Variants in PCSK9 observed in about 807,000 individuals in gnomAD.
PCSK9 encodes the protein convertase subtilisin/kexin type 9 preproprotein.
A neutral mutation model predicts 62.1 loss-of-function variants in PCSK9; 57 were observed. The ratio of observed to expected loss-of-function variants is 0.92; its 90% CI spans 0.74 to 1.14. The LOEUF is 1.14. PCSK9 is among the 50% of genes most tolerant of loss of function. The pLI is 0.00. For missense variants in PCSK9, 870 were observed against 959.8 expected, an observed-to-expected ratio of 0.91 and a Z score of 1.24; for synonymous variants, 387 against 409.4, an observed-to-expected ratio of 0.95 and a Z score of 0.66.
In PCSK9 at chr1:55,055,515, A is replaced by G. The variant is rs138424279; in HGVS notation, c.800-478A>G. Among the ~76,000 whole-genome samples the G allele has an allele frequency of 4.8e-4, 73 of 152,292 alleles. 1 individual carries two copies. The East Asian group carries it at 0.013, about 26-fold the overall frequency. The stretch of plus-strand genomic sequence containing the variant: ...AGTTTGATTGCTGGTGTAATTGCTA[A>G]TATCTTCCAGTTTGTATTGGTCAAG... On this transcript the variant is annotated intron_variant, in intron 5 of 11. Coordinates refer to ENST00000302118, the MANE Select transcript of PCSK9 (RefSeq NM_174936.4).
At chr1:55,062,814 T>C (rs929289454) in intron 11 of PCSK9, among the ~76,000 whole-genome samples, 2 of 152,092 alleles carry the variant, frequency 1.3e-5, no homozygotes, top group African/African-American at 4.8e-5. Context: ...CAGAGGAGTG[T>C]GGTCTGGCCT....
chr1:55,039,856 A>G lies in PCSK9; in HGVS notation c.19A>G (p.Arg7Gly), dbSNP rs772165799. 1.3e-6 allele frequency: 2 copies of G among 1,564,896 alleles called. No individual in the cohort carries two copies. Among genetic ancestry groups the G allele is most frequent in the Non-Finnish European group, 8.7e-7 (1 of 1,155,628 alleles). Residue 7 changes from arginine (R) to glycine (G), a missense_variant, in exon 1 of 12, where the codon AGG becomes GGG. Physicochemically the swap from Arg to Gly is moderately radical, Grantham distance 125. Transcript: ENST00000302118. ...GGCCCTCATGGGCACCGTCAGCTCC[A>G]GGCGGTCCTGGTGGCCGCTGCCACT... The part of the protein sequence containing the change: MGTVSS[R>G]RSWWPLPLLL...
intron 9 of PCSK9, among the ~76,000 whole-genome samples, chr1:55,059,027 A>C (rs1438329619): frequency 2.0e-5 from 3 of 152,232 alleles, no homozygotes; most frequent in Admixed American, 6.5e-5. Context: ...GGAGCTGAGA[A>C]ATCTCAAACC....
At chr1:55,063,252 C>T (rs1644775952) in intron 11 of PCSK9, 117 bp from the exon 12 acceptor site, 8 of 1,118,136 alleles carry the variant, frequency 7.2e-6, no homozygotes, top group Non-Finnish European at 1.1e-5. Flanking sequence ...GGCTCTGAGC[C>T]AGCGAGGGCC....
intron 3 of PCSK9, 198 bp from the exon 4 acceptor site, chr1:55,052,080 T>C (rs1030532828): frequency 2.6e-6 from 2 of 776,274 alleles, no homozygotes; most frequent in African/African-American, 3.4e-5. Context: ...CTGCCCTCTC[T>C]AGGCCTCCCT....
rs937430375 is a variant in PCSK9, at chr1:55,039,712, C to T, written c.-126C>T. The T allele has an allele frequency of 6.8e-6, 8 of 1,168,950 alleles. No homozygotes were observed. Among genetic ancestry groups the T allele is most frequent in the Admixed American group, 2.4e-5 (1 of 42,186 alleles). 72.4% of individuals were successfully genotyped at this position (1,168,950 alleles called of 1,614,324 possible). On this transcript the variant is annotated 5_prime_UTR_variant, in exon 1 of 12. Transcript: ENST00000302118. The stretch of plus-strand genomic sequence containing the variant: ...CCAGGATTCCGCGCGCCCCTTCACG[C>T]GCCCTGCTCCTGAACTTCAGCTCCT...
intron 3 of PCSK9, among the ~76,000 whole-genome samples, chr1:55,048,694 G>A (rs899519752): frequency 3.3e-5 from 5 of 152,188 alleles, no homozygotes; most frequent in Non-Finnish European, 5.9e-5. Context: ...GCTGGCTGCC[G>A]CCCTCAAACC....
At chr1:55,052,856 T>C in intron 5 of PCSK9, 65 bp downstream of exon 5, 2 of 1,609,668 alleles carry the variant, frequency 1.2e-6, no homozygotes, top group South Asian at 2.2e-5. Context: ...TGGCTTGGGC[T>C]GGGCCCAGGG....
Position 55,046,584 on chromosome 1 carries a change from T to C in PCSK9, c.461T>C (p.Ile154Thr), listed in dbSNP as rs2100276236. The C allele has an allele frequency of 6.2e-7, 1 of 1,614,142 alleles. No individual in the cohort carries two copies. The highest frequency in any genetic ancestry group is 8.5e-7 in the Non-Finnish European group (1 of 1,180,028). ...GACTCCTCTGTCTTTGCCCAGAGCATCCCGTGGAACCTGGAGCGGATTACC... is the reference window on the plus strand; with the variant it reads ...GACTCCTCTGTCTTTGCCCAGAGCACCCCGTGGAACCTGGAGCGGATTACC... ...EEDSSVFAQSIPWNLERITPP... is the reference protein window; with the variant it reads ...EEDSSVFAQSTPWNLERITPP... Residue 154 changes from isoleucine to threonine, a missense_variant, in exon 3 of 12, where the codon ATC becomes ACC. Transcript: ENST00000302118.
At position 55,040,413 on chromosome 1, in the gene PCSK9, G is replaced by A. The variant is rs1644590662; in HGVS notation, c.207+369G>A. Among the ~76,000 whole-genome samples the A allele has an allele frequency of 6.6e-6, 1 of 152,208 alleles. No homozygotes were observed. The highest frequency in any genetic ancestry group is 2.4e-5 in the African/African-American group (1 of 41,458). ...CCTCGCCGCGGCACAGGTGGGTGAA[G>A]GAGTGAATGCCTGGAACGTACTGGG... On this transcript the variant is annotated intron_variant, in intron 1 of 11. Transcript: ENST00000302118. This position sits in a 1 kb window ranked among gnomAD's most constrained non-coding sequence, Gnocchi z 4.1.
rs966863594 is a variant in PCSK9, at chr1:55,043,990, CT to C, written c.357del (p.Pro120LeufsTer5). On this transcript the variant is annotated frameshift_variant, in exon 2 of 12. Coordinates refer to ENST00000302118, the MANE Select transcript of PCSK9 (RefSeq NM_174936.4). LOFTEE classifies it high-confidence loss of function. Reference protein sequence around the residue: ...TKILHVFHGLLPGFLVKMSGD... With the variant: ...TKILHVFHGLXPGFLVKMSGD... Reference sequence around the variant, plus strand: ...GATCCTGCATGTCTTCCATGGCCTTCTTCCTGGCTTCCTGGTGAAGATGAGT... The same window carrying C: ...GATCCTGCATGTCTTCCATGGCCTTCTCCTGGCTTCCTGGTGAAGATGAGT... 2 of 1,614,124 alleles carry C rather than the reference CT, an allele frequency of 1.2e-6. No homozygotes were observed. Among genetic ancestry groups the C allele is most frequent in the Non-Finnish European group, 1.7e-6 (2 of 1,180,054 alleles).
chr1:55,049,597 G>T (rs530285771), intron 3 of PCSK9, among the ~76,000 whole-genome samples: 3 of 152,202 alleles, frequency 2.0e-5, no homozygotes, highest in Non-Finnish European at 4.4e-5. Flanking sequence ...GATAGAGGGA[G>T]GCCTAGGAAG....
chr1:55,063,526 C>G lies in PCSK9; in HGVS notation c.2021C>G (p.Ala674Gly). The G allele has an allele frequency of 6.2e-7, 1 of 1,613,620 alleles. No homozygotes were observed. The highest frequency in any genetic ancestry group is 1.3e-5 in the African/African-American group (1 of 75,058). The stretch of plus-strand genomic sequence containing the variant: ...AGCACCAGCGAAGGGGCCGTGACAG[C>G]CGTTGCCATCTGCTGCCGGAGCCGG... ...TGSTSEGAVT[A>G]VAICCRSRHL... Residue 674 changes from alanine (A) to glycine (G), a missense_variant, in exon 12 of 12, where the codon GCC (alanine) becomes GGC (glycine). Ala to Gly is a moderately conservative substitution (Grantham distance 60). Coordinates refer to ENST00000302118, the MANE Select transcript of PCSK9 (RefSeq NM_174936.4).
intron 3 of PCSK9, chr1:55,051,370 G>A (rs1447327985): frequency 2.8e-6 from 1 of 353,504 alleles, no homozygotes; most frequent in Non-Finnish European, 5.5e-6. Flanking sequence ...CATTTCCGCT[G>A]GCGCAGGACT....
rs1260091662 is a variant in PCSK9, at chr1:55,040,054, T to C, written c.207+10T>C. 3 of 1,555,712 alleles carry C rather than the reference T, an allele frequency of 1.9e-6. No individual in the cohort carries two copies. Among genetic ancestry groups the C allele is most frequent in the Non-Finnish European group, 2.6e-6 (3 of 1,150,348 alleles). On this transcript the variant is annotated intron_variant, in intron 1 of 11. Transcript: ENST00000302118. The surrounding 1 kb of genome is among the most constrained non-coding windows in gnomAD (Gnocchi z 4.1). ...CCACCGCTGCGCCAAGGTGCGGGTG[T>C]AGGGATGGGAGGCCGGGGCGAACCC...
chr1:55,052,799 A>G lies in PCSK9; in HGVS notation c.799+8A>G, dbSNP rs748933873. The G allele has an allele frequency of 1.7e-4, 267 of 1,612,868 alleles. No individual in the cohort carries two copies. The highest frequency in any genetic ancestry group is 2.2e-4 in the Non-Finnish European group (260 of 1,179,936). On this transcript the variant is annotated splice_region_variant and intron_variant, in intron 5 of 11. Transcript: ENST00000302118. ...TTAGCGGCACCCTCATAGGTAAGTGATGGCCCCAGACGCTGGTCTCTCTCC... is the reference window on the plus strand; with the variant it reads ...TTAGCGGCACCCTCATAGGTAAGTGGTGGCCCCAGACGCTGGTCTCTCTCC...
In PCSK9 at chr1:55,064,760, C is replaced by T. The variant is rs1205736159; in HGVS notation, c.*1176C>T. 3.3e-5 allele frequency: 5 copies of T among 152,246 alleles called. No homozygotes were observed. Among genetic ancestry groups the T allele is most frequent in the Admixed American group, 6.5e-5 (1 of 15,302 alleles). 9.4% of individuals were successfully genotyped at this position (152,246 alleles called of 1,614,324 possible). Reference sequence around the variant, plus strand: ...AGCCAACTTTTCTAGACCTGTTTTGCTTTTGTAACTTGAAGATATTTATTC... The same window carrying T: ...AGCCAACTTTTCTAGACCTGTTTTGTTTTTGTAACTTGAAGATATTTATTC... On this transcript the variant is annotated 3_prime_UTR_variant, in exon 12 of 12. Transcript: ENST00000302118.
chr1:55,048,542 G>T (rs557211), intron 3 of PCSK9, among the ~76,000 whole-genome samples: 106,783 of 152,122 alleles, frequency 0.7, 40,264 homozygotes, highest in South Asian at 0.83. Flanking sequence ...GGCAGGCAGG[G>T]GTGTGGAACC....
chr1:55,046,884 CTT>C (rs773144458), intron 3 of PCSK9, among the ~76,000 whole-genome samples: 4 of 152,170 alleles, frequency 2.6e-5, no homozygotes, highest in Admixed American at 6.5e-5. Flanking sequence ...CTTCTTTTCT[CTT>C]GTTTTCCTTT....
Sources: allele counts gnomAD v4.1 joint callset (sites outside exome capture counted in the v4.1 genomes callset), GRCh38; gene constraint gnomAD v4.1.1; non-coding constraint Gnocchi (gnomAD v3.1); transcripts MANE v1.5; gene names NCBI Gene and HGNC (gene_info 2026-07-23, HGNC 2026-07-21).